XXYLT1: variants seen among roughly 807,000 people sequenced by gnomAD.
The protein encoded by XXYLT1 is xyloside xylosyltransferase 1.
In XXYLT1, 20 loss-of-function variants were observed where a neutral mutation model predicts 28.9. The observed-to-expected ratio is 0.69, with a 90% CI of 0.49 to 1.00. XXYLT1 has a LOEUF of 1.00. Among genes scored for constraint, XXYLT1 ranks in the 50% least tolerant of loss-of-function variants. The pLI is 0.00. For synonymous variants in XXYLT1, 257 were observed against 253.8 expected, an observed-to-expected ratio of 1.01 and a Z score of -0.12; for missense variants, 542 against 560.1, an observed-to-expected ratio of 0.97 and a Z score of 0.33.
intron 2 of XXYLT1, among the ~76,000 whole-genome samples, chr3:195,224,501 A>G (rs1012445043): frequency 6.6e-6 from 1 of 152,206 alleles, no homozygotes; most frequent in Admixed American, 6.5e-5. Context: ...AACTCTTGTC[A>G]TCGGTCCCTG....
intron 1 of XXYLT1, among the ~76,000 whole-genome samples, chr3:195,249,395 G>A (rs1725162772): frequency 6.6e-6 from 1 of 152,182 alleles, no homozygotes; most frequent in African/African-American, 2.4e-5. Context: ...AGCACACAAT[G>A]GCCACGCGGC....
rs1338350575 is a variant in XXYLT1 at position 195,168,382 on chromosome 3, C to T, written c.653-11801G>A. ...TGCCCAGCTAAGCAAGCCACAAAAT[C>T]CCTACTATGTGCCAAGCACTATGCT... On this transcript the variant is annotated intron_variant, in intron 2 of 3. Coordinates refer to ENST00000310380, the MANE Select transcript of XXYLT1 (RefSeq NM_152531.5). This position sits in a 1 kb window ranked among gnomAD's most constrained non-coding sequence, Gnocchi z 4.3. 1.3e-5 allele frequency among the ~76,000 whole-genome samples: 2 copies of T among 152,238 alleles called. No individual in the cohort carries two copies. Among genetic ancestry groups the T allele is most frequent in the African/African-American group, 4.8e-5 (2 of 41,452 alleles).
chr3:195,240,486 C>T lies in XXYLT1; in HGVS notation c.505-13630G>A, dbSNP rs1296439103. On this transcript the variant is annotated intron_variant, in intron 1 of 3. Transcript: ENST00000310380. This position sits in a 1 kb window ranked among gnomAD's most constrained non-coding sequence, Gnocchi z 4.7. ...GAGAAAACTAATTTTATCACTTGGCCGGCCCCACTGGGAGTCAGGTCGCAG... is the reference window on the plus strand; with the variant it reads ...GAGAAAACTAATTTTATCACTTGGCTGGCCCCACTGGGAGTCAGGTCGCAG... Among the ~76,000 whole-genome samples, 3 of 152,238 alleles carry T rather than the reference C, an allele frequency of 2.0e-5. No individual in the cohort carries two copies. The highest frequency in any genetic ancestry group is 7.2e-5 in the African/African-American group (3 of 41,468).
chr3:195,104,249 T>C (rs1030720807), intron 3 of XXYLT1, among the ~76,000 whole-genome samples: 2 of 143,426 alleles, frequency 1.4e-5, no homozygotes, highest in African/African-American at 5.4e-5. Flanking sequence ...GTGTGTGTAT[T>C]TTATGAGAGG....
chr3:195,259,607 G>A, intron 1 of XXYLT1: 1 of 985,470 alleles, frequency 1.0e-6, no homozygotes, highest in Non-Finnish European at 1.2e-6. Flanking sequence ...ATCTCACCGC[G>A]AGGACAGTCG....
In XXYLT1 at chr3:195,175,482, C is replaced by A. The variant is rs111587144; in HGVS notation, c.653-18901G>T. ...GGAAAGGGCACATTTGGGGAGAGGA[C>A]GACAATGAGTTCTGTGTTGCATGTT... is the stretch of plus-strand genomic sequence containing the variant. On this transcript the variant is annotated intron_variant, in intron 2 of 3. Transcript: ENST00000310380. 4,991 of 1,344,854 alleles carry A rather than the reference C, an allele frequency of 3.7e-3. 149 individuals are homozygous for A. In the African/African-American group the frequency reaches 0.064, roughly 17 times the overall value. The allele number at this position is 1,344,854 out of a possible 1,614,324, so 83.3% of individuals were successfully genotyped here. A position where few individuals can be genotyped will look rare whatever the true frequency, so the allele number is the denominator to read the frequency against.
At chr3:195,100,165 A>C (rs1001832928) in intron 3 of XXYLT1, among the ~76,000 whole-genome samples, 18 of 152,162 alleles carry the variant, frequency 1.2e-4, no homozygotes, top group Admixed American at 6.5e-5. Context: ...CCCCTGCTTC[A>C]TGCGACAGGC....
At chr3:195,138,923 G>C (rs1271424390) in intron 3 of XXYLT1, among the ~76,000 whole-genome samples, 1 of 151,214 alleles carries the variant, frequency 6.6e-6, no homozygotes, top group African/African-American at 2.4e-5. Flanking sequence ...GAGCATCCTA[G>C]TCAGAGAGAG....
rs887362450 is a variant in XXYLT1, at chr3:195,249,469, A to C, written c.504+21086T>G. On this transcript the variant is annotated intron_variant, in intron 1 of 3. Coordinates refer to ENST00000310380, the MANE Select transcript of XXYLT1 (RefSeq NM_152531.5). Reference sequence around the variant, plus strand: ...ACTGGCACCTGCTCTTCATGGGATCACAAAGAAAGGAAACATGTCAGGCAG... The same window carrying C: ...ACTGGCACCTGCTCTTCATGGGATCCCAAAGAAAGGAAACATGTCAGGCAG... Among the ~76,000 whole-genome samples the C allele has an allele frequency of 1.1e-3, 172 of 152,346 alleles. 1 individual carries two copies. The highest frequency in any genetic ancestry group is 4.3e-4 in the Non-Finnish European group (29 of 68,032).
At chr3:195,167,402 C>A (rs749526690) in intron 2 of XXYLT1, among the ~76,000 whole-genome samples, 1 of 152,096 alleles carries the variant, frequency 6.6e-6, no homozygotes, top group Non-Finnish European at 1.5e-5. Flanking sequence ...GCCAGCCTGG[C>A]CAGCATGGTG....
At chr3:195,234,227 G>A (rs1724428187) in intron 1 of XXYLT1, among the ~76,000 whole-genome samples, 1 of 147,342 alleles carries the variant, frequency 6.8e-6, no homozygotes, top group Admixed American at 6.8e-5. Flanking sequence ...AGCATTTCTT[G>A]TACGATAGGT....
In XXYLT1 at chr3:195,138,238, G is replaced by A. The variant is rs538339931; in HGVS notation, c.785+18211C>T. 1.1e-4 allele frequency among the ~76,000 whole-genome samples: 16 copies of A among 152,304 alleles called. No individual in the cohort carries two copies. In the East Asian group the frequency reaches 3.1e-3, roughly 29 times the overall value. On this transcript the variant is annotated intron_variant, in intron 3 of 3. Transcript: ENST00000310380. ...TTCCCTCCGCTTCATGCCATCATTT[G>A]AAAATAATAACCAAGCCTTAAAACT...
intron 3 of XXYLT1, among the ~76,000 whole-genome samples, chr3:195,118,929 G>A (rs1373461428): frequency 6.6e-6 from 1 of 152,150 alleles, no homozygotes; most frequent in Non-Finnish European, 1.5e-5. Flanking sequence ...GTCATTAGCT[G>A]TACATCAGCA....
At chr3:195,144,594 T>C (rs1398241552) in intron 3 of XXYLT1, among the ~76,000 whole-genome samples, 1 of 151,970 alleles carries the variant, frequency 6.6e-6, no homozygotes. Context: ...GGCAGGCTGG[T>C]CTCGAACTCC....
intron 1 of XXYLT1, among the ~76,000 whole-genome samples, chr3:195,252,046 C>T (rs1324255727): frequency 6.6e-6 from 1 of 152,218 alleles, no homozygotes; most frequent in African/African-American, 2.4e-5. Flanking sequence ...CAGGGCAAGA[C>T]TTCCATGTAT....
intron 1 of XXYLT1, among the ~76,000 whole-genome samples, chr3:195,248,631 T>C (rs1725130683): frequency 1.3e-5 from 2 of 152,192 alleles, no homozygotes; most frequent in Admixed American, 1.3e-4. Context: ...ATGCCCTTTT[T>C]CCTTGGCCAG....
rs150973432 is a variant in XXYLT1 at position 195,174,667 on chromosome 3, C to G, written c.653-18086G>C. Among the ~76,000 whole-genome samples the G allele has an allele frequency of 7.4e-3, 1,075 of 145,244 alleles. 10 individuals are homozygous for G. The highest frequency in any genetic ancestry group is 0.013 in the Non-Finnish European group (859 of 65,848). ...CCTTTCCTTCCCTCTTTCCCTCCCTCCTTTCCTTCCCTCCCCCCTCCCTCC... is the reference window on the plus strand; with the variant it reads ...CCTTTCCTTCCCTCTTTCCCTCCCTGCTTTCCTTCCCTCCCCCCTCCCTCC... On this transcript the variant is annotated intron_variant, in intron 2 of 3. Transcript: ENST00000310380.
intron 3 of XXYLT1, among the ~76,000 whole-genome samples, chr3:195,088,118 G>T (rs1414475316): frequency 6.6e-6 from 1 of 151,530 alleles, no homozygotes; most frequent in Non-Finnish European, 1.5e-5. Flanking sequence ...AGGGGCGCCC[G>T]CCATTGCCCA....
intron 2 of XXYLT1, among the ~76,000 whole-genome samples, chr3:195,213,842 C>G (rs1429394070): frequency 6.6e-6 from 1 of 152,206 alleles, no homozygotes; most frequent in East Asian, 1.9e-4. Flanking sequence ...GTGAGGCCTA[C>G]ATGGTCACTA....
Sources: gnomAD v4.1 joint callset for allele counts (sites outside exome capture counted in the v4.1 genomes callset) on GRCh38, gnomAD v4.1.1 for gene constraint, Gnocchi (gnomAD v3.1) non-coding constraint, MANE v1.5 for transcripts, NCBI Gene and HGNC (gene_info 2026-07-23, HGNC 2026-07-21) for gene names.